The following WDR89 variants were observed in gnomAD, a reference collection of about 807,000 sequenced individuals.
The protein encoded by WDR89 is WD repeat-containing protein 89.
In WDR89, 17 loss-of-function variants were observed where a neutral mutation model predicts 29.1. The ratio of observed to expected loss-of-function variants is 0.58; its 90% CI spans 0.40 to 0.88. WDR89 has a LOEUF of 0.88. Ranked by LOEUF, WDR89 falls within the 40% of genes least tolerant of loss-of-function variation. The probability of loss-of-function intolerance (pLI) is 0.00; values close to 1 mark genes in which losing one functional copy is unlikely to be tolerated. For synonymous variants in WDR89, 138 were observed against 157.8 expected (o/e 0.87, Z 0.94); for missense variants, 396 against 456.3 (o/e 0.87, Z 1.20).
At chr14:63,607,840 C>A (rs1881676260) in intron 2 of WDR89, among the ~76,000 whole-genome samples, 1 of 142,712 alleles carries the variant, frequency 7.0e-6, no homozygotes, top group African/African-American at 2.6e-5. Context: ...AAGATGGCGC[C>A]ATTACACTCC....
intron 1 of WDR89, among the ~76,000 whole-genome samples, chr14:63,638,272 T>C (rs1407919945): frequency 6.6e-6 from 1 of 152,058 alleles, no homozygotes; most frequent in Non-Finnish European, 1.5e-5. Flanking sequence ...AAAAAGTCAC[T>C]GCCCCCCCAA....
In WDR89 at chr14:63,623,197, C is replaced by CAAAA. The variant is rs35075730; in HGVS notation, c.-32+1727_-32+1730dup. On this transcript the variant is annotated intron_variant, in intron 2 of 2. Coordinates refer to ENST00000620954, the MANE Select transcript of WDR89 (RefSeq NM_080666.4). ...TGGGTGACACAGAAAAACCAGGTCT[C>CAAAA]AAAAAAAAAAAAAAAAAAAATGCAT... is the stretch of plus-strand genomic sequence containing the variant. 6.2e-3 allele frequency among the ~76,000 whole-genome samples: 445 copies of CAAAA among 71,708 alleles called. 4 individuals carry two copies. Among genetic ancestry groups the CAAAA allele is most frequent in the African/African-American group, 0.018 (426 of 23,750 alleles). The allele number at this position is 71,708 out of a possible 152,430, so 47.0% of individuals were successfully genotyped here.
chr14:63,632,688 A>G (rs902635454), intron 1 of WDR89, among the ~76,000 whole-genome samples: 2 of 151,938 alleles, frequency 1.3e-5, no homozygotes, highest in Non-Finnish European at 2.9e-5. Context: ...TGAATTATAC[A>G]GAATGATAGC....
At chr14:63,617,687 G>A in intron 2 of WDR89, among the ~76,000 whole-genome samples, 1 of 151,986 alleles carries the variant, frequency 6.6e-6, no homozygotes. Context: ...GTTTCACTAT[G>A]TTGGCCAGGC....
Position 63,608,666 on chromosome 14 carries a change from GCACACA to G in WDR89, c.-31-8699_-31-8694del, listed in dbSNP as rs57605983. ...ACAAAAACCAGCCAGTGTGGTGCATGCACACACACACACACACACACACACACACAC... is the reference window on the plus strand; with the variant it reads ...ACAAAAACCAGCCAGTGTGGTGCATGCACACACACACACACACACACACAC... On this transcript the variant is annotated intron_variant, in intron 2 of 2. Coordinates refer to ENST00000620954, the MANE Select transcript of WDR89 (RefSeq NM_080666.4). Among the ~76,000 whole-genome samples, 1,305 of 144,742 alleles carry G rather than the reference GCACACA, an allele frequency of 9.0e-3. 22 individuals carry two copies. Among genetic ancestry groups the G allele is most frequent in the African/African-American group, 0.031 (1,215 of 39,822 alleles). The allele number at this position is 144,742 out of a possible 152,430, so 95.0% of individuals were successfully genotyped here.
chr14:63,638,384 T>C (rs1883886935), intron 1 of WDR89, among the ~76,000 whole-genome samples: 1 of 152,206 alleles, frequency 6.6e-6, no homozygotes, highest in South Asian at 2.1e-4. Flanking sequence ...CCCAAGAGTT[T>C]GAGTCCACCA....
chr14:63,627,150 A>ACT (rs35230660), intron 1 of WDR89, among the ~76,000 whole-genome samples: 15,131 of 127,174 alleles, frequency 0.12, 999 homozygotes, highest in East Asian at 0.34. Flanking sequence ...ACACACACAC[A>ACT]CTCTCTCTCT....
intron 2 of WDR89, among the ~76,000 whole-genome samples, chr14:63,603,401 A>G (rs1319496454): frequency 6.6e-6 from 1 of 152,176 alleles, no homozygotes; most frequent in African/African-American, 2.4e-5. Context: ...TTTTCATGTC[A>G]TGGAATTTTT....
chr14:63,632,358 T>C (rs1274139841), intron 1 of WDR89, among the ~76,000 whole-genome samples: 2 of 151,956 alleles, frequency 1.3e-5, no homozygotes, highest in Non-Finnish European at 2.9e-5. Context: ...AGGCCGGGCG[T>C]GATGGCTCCT....
At chr14:63,635,463 T>C (rs1278890381) in intron 1 of WDR89, among the ~76,000 whole-genome samples, 1 of 152,202 alleles carries the variant, frequency 6.6e-6, no homozygotes, top group Admixed American at 6.5e-5. Flanking sequence ...AAAATCAGCA[T>C]ATAAGGGACA....
At chr14:63,631,135 A>C (rs925953831) in intron 1 of WDR89, among the ~76,000 whole-genome samples, 14 of 152,214 alleles carry the variant, frequency 9.2e-5, no homozygotes, top group Non-Finnish European at 1.8e-4. Context: ...TCAACATGTG[A>C]GATGACGGAG....
At chr14:63,621,986 A>G (rs1268405184) in intron 2 of WDR89, 1 of 152,258 alleles carries the variant, frequency 6.6e-6, no homozygotes, top group Non-Finnish European at 1.5e-5. Context: ...ACAAATTGAA[A>G]TCCGGATTGA....
chr14:63,630,075 G>T (rs1444628934), intron 1 of WDR89, among the ~76,000 whole-genome samples: 3 of 152,064 alleles, frequency 2.0e-5, no homozygotes, highest in African/African-American at 7.2e-5. Flanking sequence ...AACCTCCCAA[G>T]TAGCTGGGAC....
At chr14:63,608,415 C>T (rs1813936909) in intron 2 of WDR89, among the ~76,000 whole-genome samples, 1 of 151,966 alleles carries the variant, frequency 6.6e-6, no homozygotes, top group African/African-American at 2.4e-5. Flanking sequence ...ATAAAAAAAT[C>T]TGTCTAGTAA....
intron 2 of WDR89, among the ~76,000 whole-genome samples, chr14:63,603,365 A>C (rs1464375788): frequency 6.6e-6 from 1 of 152,170 alleles, no homozygotes; most frequent in Admixed American, 6.6e-5. Flanking sequence ...ATACTTCACT[A>C]TAACAGCATC....
At chr14:63,605,330 T>A (rs1056182944) in intron 2 of WDR89, among the ~76,000 whole-genome samples, 2 of 151,926 alleles carry the variant, frequency 1.3e-5, no homozygotes, top group Non-Finnish European at 2.9e-5. Context: ...GATGCGTGTA[T>A]AAACAAACCT....
chr14:63,627,182 TC>T lies in WDR89; in HGVS notation c.-137-2150del, dbSNP rs1187244940. Among the ~76,000 whole-genome samples, 5 of 138,386 alleles carry T rather than the reference TC, an allele frequency of 3.6e-5. No individual in the cohort carries two copies. In the Admixed American group the frequency reaches 3.7e-4, roughly 10 times the overall value. 90.8% of individuals were successfully genotyped at this position (138,386 alleles called of 152,430 possible). On this transcript the variant is annotated intron_variant, in intron 1 of 2. Transcript: ENST00000620954. The stretch of plus-strand genomic sequence containing the variant: ...CTCTCTCTCTCTCTCTCTCTCTCTC[TC>T]CTCTCTAAATGTTAAACTTTTTGAC...
At chr14:63,612,504 T>G (rs1308935759) in intron 2 of WDR89, among the ~76,000 whole-genome samples, 2 of 151,936 alleles carry the variant, frequency 1.3e-5, no homozygotes, top group Non-Finnish European at 2.9e-5. Context: ...GCCTCCTAAG[T>G]AGCTGGGATT....
intron 2 of WDR89, among the ~76,000 whole-genome samples, chr14:63,602,462 C>CAA (rs58161137): frequency 0.035 from 1,206 of 34,952 alleles, 44 homozygotes; most frequent in African/African-American, 0.065. Context: ...GATTCCTACT[C>CAA]AAAAAAAAAA....
Sources: allele counts gnomAD v4.1 joint callset (sites outside exome capture counted in the v4.1 genomes callset), GRCh38; gene constraint gnomAD v4.1.1; transcripts MANE v1.5; gene names NCBI Gene and HGNC (gene_info 2026-07-23, HGNC 2026-07-21).